Variants in IFT88 observed in about 807,000 individuals in gnomAD.
IFT88 encodes intraflagellar transport protein 88 homolog.
A neutral mutation model predicts 119.5 loss-of-function variants in IFT88; 74 were observed. The observed-to-expected ratio is 0.62, with a 90% confidence interval of 0.51 to 0.75. IFT88 has a LOEUF of 0.75. Ranked by LOEUF, IFT88 falls within the 30% of genes least tolerant of loss-of-function variation. The pLI, the probability that IFT88 is intolerant of heterozygous loss-of-function variation, is 0.00. For missense variants in IFT88, 961 were observed against 977.7 expected (o/e 0.98, Z 0.23); for synonymous variants, 279 against 316.7 (o/e 0.88, Z 1.26).
At chr13:20,608,469 T>C (rs1044609252) in intron 13 of IFT88, among the ~76,000 whole-genome samples, 8 of 152,236 alleles carry the variant, frequency 5.3e-5, no homozygotes, top group Admixed American at 2.6e-4. Context: ...TGTGGAATTA[T>C]TCCCCAAACG....
rs2041770860 is a variant in IFT88 at position 20,597,067 on chromosome 13, A to G, written c.542A>G (p.Gln181Arg). The change falls in exon 9 of 26, where the codon CAG (glutamine) becomes CGG (arginine). Residue 181 changes from glutamine to arginine, a missense_variant. Coordinates refer to ENST00000351808, the MANE Select transcript of IFT88 (RefSeq NM_006531.5). ...AGRKERVLVRQREQVTTPENI... is the reference protein window; with the variant it reads ...AGRKERVLVRRREQVTTPENI... Reference sequence around the variant, plus strand: ...AGAAAAGAGAGAGTCCTGGTGAGACAGCGAGAACAAGTTACAACTCCAGAA... The same window carrying G: ...AGAAAAGAGAGAGTCCTGGTGAGACGGCGAGAACAAGTTACAACTCCAGAA... 6.2e-7 allele frequency: 1 copy of G among 1,608,728 alleles called. No individual in the cohort carries two copies. Among genetic ancestry groups the G allele is most frequent in the East Asian group, 2.2e-5 (1 of 44,672 alleles).
intron 3 of IFT88, among the ~76,000 whole-genome samples, chr13:20,587,707 T>C (rs1243084428): frequency 6.6e-6 from 1 of 152,206 alleles, no homozygotes; most frequent in Non-Finnish European, 1.5e-5. Flanking sequence ...TATATTGTTA[T>C]GAAGTATGCC....
intron 23 of IFT88, among the ~76,000 whole-genome samples, chr13:20,668,959 T>G (rs1001509324): frequency 1.3e-5 from 2 of 152,138 alleles, no homozygotes; most frequent in African/African-American, 4.8e-5. Context: ...AGGATCTAAG[T>G]GAGCAGTGGG....
intron 4 of IFT88, among the ~76,000 whole-genome samples, 196 bp from the exon 5 acceptor site, chr13:20,590,771 A>G (rs1380917678): frequency 6.6e-6 from 1 of 152,180 alleles, no homozygotes; most frequent in South Asian, 2.1e-4. Context: ...AACTTTATTT[A>G]CAAAGACCAT....
chr13:20,653,853 C>A (rs2052242756), intron 20 of IFT88, 23 bp from the exon 21 acceptor site: 4 of 1,418,198 alleles, frequency 2.8e-6, no homozygotes, highest in Middle Eastern at 1.8e-4. Flanking sequence ...TCTCTAATTT[C>A]ATCTCATTTA....
Position 20,691,059 on chromosome 13 carries a change from T to C in IFT88, c.2359T>C (p.Ser787Pro). ...ESSSNKEIDASYVDPLGPQIE... is the reference protein window; with the variant it reads ...ESSSNKEIDAPYVDPLGPQIE... ...ACAATCTCTTCGAAACCTAGATGCC[T>C]CCTATGTGGACCCACTTGGCCCTCA... The change falls in exon 26 of 26, where the codon TCC (serine) becomes CCC (proline). Residue 787 changes from serine (S) to proline (P), a missense_variant. Ser to Pro is a moderately conservative substitution (Grantham distance 74, BLOSUM62 -1). Coordinates refer to ENST00000351808, the MANE Select transcript of IFT88 (RefSeq NM_006531.5). 1 of 1,613,710 alleles carries C rather than the reference T, an allele frequency of 6.2e-7. No homozygotes were observed. Among genetic ancestry groups the C allele is most frequent in the South Asian group, 1.1e-5 (1 of 90,894 alleles).
At chr13:20,604,918 T>C in intron 12 of IFT88, 117 bp from the exon 13 acceptor site, 1 of 505,802 alleles carries the variant, frequency 2.0e-6, no homozygotes, top group Non-Finnish European at 3.6e-6. Flanking sequence ...ATCATGCCAC[T>C]GCACTGCAGC....
chr13:20,687,505 AACTATGC>A (rs2058060969), intron 24 of IFT88, among the ~76,000 whole-genome samples: 1 of 152,218 alleles, frequency 6.6e-6, no homozygotes, highest in Non-Finnish European at 1.5e-5. Context: ...TCTTGTCACC[AACTATGC>A]ACTCTTGAAC....
intron 18 of IFT88, 74 bp downstream of exon 18, chr13:20,641,472 GT>G: frequency 2.3e-6 from 2 of 859,470 alleles, no homozygotes; most frequent in Non-Finnish European, 3.8e-6. Context: ...TATTAAATAA[GT>G]TTAACTAATG....
At chr13:20,569,408 C>G (rs1033650611) in intron 1 of IFT88, among the ~76,000 whole-genome samples, 1 of 150,780 alleles carries the variant, frequency 6.6e-6, no homozygotes. Flanking sequence ...CCCGTCTCTA[C>G]TAAAAATACA....
At chr13:20,687,235 AG>A (rs1445957342) in intron 24 of IFT88, among the ~76,000 whole-genome samples, 2 of 152,170 alleles carry the variant, frequency 1.3e-5, no homozygotes, top group Non-Finnish European at 2.9e-5. Context: ...TGGGGCCAGC[AG>A]AAGGGTCTAA....
chr13:20,663,818 A>G (rs2054207833), intron 23 of IFT88, among the ~76,000 whole-genome samples: 1 of 152,240 alleles, frequency 6.6e-6, no homozygotes, highest in African/African-American at 2.4e-5. Context: ...TAGATTTCAT[A>G]TTATCTTAGT....
At chr13:20,653,289 C>CA (rs1461605217) in intron 20 of IFT88, among the ~76,000 whole-genome samples, 1 of 151,932 alleles carries the variant, frequency 6.6e-6, no homozygotes, top group Non-Finnish European at 1.5e-5. Context: ...AAAGGAGATT[C>CA]AAAAAAATGA....
chr13:20,626,887 A>G (rs964296310), intron 15 of IFT88, among the ~76,000 whole-genome samples: 2 of 152,216 alleles, frequency 1.3e-5, no homozygotes, highest in African/African-American at 4.8e-5. Context: ...AGTTAGATCC[A>G]GAGAGCAAGG....
chr13:20,680,499 G>A (rs75581283), intron 24 of IFT88, among the ~76,000 whole-genome samples: 1,795 of 152,252 alleles, frequency 0.012, 36 homozygotes, highest in African/African-American at 0.042. Flanking sequence ...GTCACTGGGG[G>A]AATACTCATG....
At chr13:20,661,759 TACAAGA>T (rs1193868828) in intron 22 of IFT88, among the ~76,000 whole-genome samples, 2 of 151,650 alleles carry the variant, frequency 1.3e-5, no homozygotes, top group Non-Finnish European at 2.9e-5. Context: ...ATTATAAATG[TACAAGA>T]ACAAAGAGAT....
At chr13:20,592,820 A>C (rs200437081) in intron 7 of IFT88, among the ~76,000 whole-genome samples, 6 of 146,592 alleles carry the variant, frequency 4.1e-5, no homozygotes, top group East Asian at 2.4e-4. Context: ...AATTATGTGA[A>C]TTCCATAAGA....
At chr13:20,614,645 T>C (rs1482868885) in intron 13 of IFT88, among the ~76,000 whole-genome samples, 1 of 152,114 alleles carries the variant, frequency 6.6e-6, no homozygotes, top group African/African-American at 2.4e-5. Flanking sequence ...TCAATGACAG[T>C]AATCTGGTTG....
intron 13 of IFT88, chr13:20,607,511 T>G: frequency 1.5e-6 from 1 of 689,168 alleles, no homozygotes; most frequent in South Asian, 1.5e-5. Context: ...TTTTGACATG[T>G]GGGGAGGCCG....
Sources: gnomAD v4.1 joint callset for allele counts (sites outside exome capture counted in the v4.1 genomes callset) on GRCh38, gnomAD v4.1.1 for gene constraint, MANE v1.5 for transcripts, NCBI Gene and HGNC (gene_info 2026-07-23, HGNC 2026-07-21) for gene names.